Variants in IRF8 observed in about 807,000 individuals in gnomAD.
IRF8 encodes the protein interferon consensus sequence binding protein 1.
IRF8 carries 14 observed loss-of-function variants against 48.7 expected under a neutral mutation model. That is an observed-to-expected ratio of 0.29 (90% confidence interval 0.19 to 0.45). The LOEUF (loss-of-function observed/expected upper bound fraction) is 0.45. IRF8 is among the 20% of genes least tolerant of loss of function. The probability of loss-of-function intolerance (pLI) is 1.00; values close to 1 mark genes in which losing one functional copy is unlikely to be tolerated. For synonymous variants in IRF8, 278 were observed against 227.3 expected, an observed-to-expected ratio of 1.22 and a Z score of -2.01; for missense variants, 493 against 580.7, an observed-to-expected ratio of 0.85 and a Z score of 1.55.
chr16:85,909,286 A>G, intron 3 of IRF8, 113 bp downstream of exon 3: 1 of 832,794 alleles, frequency 1.2e-6, no homozygotes, highest in Non-Finnish European at 2.0e-6. Context: ...AGTTTCAGTT[A>G]AACAAAGCAG....
At chr16:85,902,804 G>A (rs1904866904) in intron 1 of IRF8, 3 of 615,410 alleles carry the variant, frequency 4.9e-6, no homozygotes, top group East Asian at 5.7e-5. Context: ...GGTTTCCCAC[G>A]GAGCTTTCAG....
intron 4 of IRF8, 30 bp from the exon 5 acceptor site, chr16:85,913,101 T>G: frequency 1.3e-6 from 2 of 1,510,066 alleles, no homozygotes; most frequent in East Asian, 4.5e-5. Flanking sequence ...GTGACTGAGC[T>G]GCCCTCCTCT....
intron 4 of IRF8, 32 bp downstream of exon 4, chr16:85,911,690 C>T (rs536683483): frequency 6.3e-7 from 1 of 1,585,820 alleles, no homozygotes; most frequent in Non-Finnish European, 8.7e-7. Context: ...GGGGTCTGGC[C>T]CTGCCAGGAG....
intron 2 of IRF8, 25 bp downstream of exon 2, chr16:85,903,214 A>G: frequency 1.3e-6 from 2 of 1,599,472 alleles, no homozygotes; most frequent in Non-Finnish European, 8.6e-7. Flanking sequence ...TCCCTTCCCC[A>G]CTGTGGGCAC....
At chr16:85,899,643 A>T (rs2152097382) in intron 1 of IRF8, among the ~76,000 whole-genome samples, 1 of 152,292 alleles carries the variant, frequency 6.6e-6, no homozygotes, top group East Asian at 1.9e-4. Flanking sequence ...ACCAGTCGTT[A>T]CTGAGGGTTA....
chr16:85,902,759 T>G, intron 1 of IRF8: 1 of 519,210 alleles, frequency 1.9e-6, no homozygotes, highest in Non-Finnish European at 3.4e-6. Flanking sequence ...GCCAGCACAG[T>G]GGGAGGGGCC....
chr16:85,911,177 C>G (rs538463953), intron 3 of IRF8, among the ~76,000 whole-genome samples: 1 of 152,354 alleles, frequency 6.6e-6, no homozygotes, highest in East Asian at 1.9e-4. Flanking sequence ...CCTGCCAACA[C>G]GTTTTGCCAG....
At chr16:85,911,870 G>T (rs563186492) in intron 4 of IRF8, among the ~76,000 whole-genome samples, 1 of 152,348 alleles carries the variant, frequency 6.6e-6, no homozygotes, top group East Asian at 1.9e-4. Flanking sequence ...AACCCCTCAC[G>T]CCAGATCCCT....
chr16:85,908,985 T>C lies in IRF8; in HGVS notation c.175-5T>C, dbSNP rs1597251883. ...AATTTAATGTGCTTCTGTTTCTTTC[T>C]TCAGGCCTGGGCAGTTTTTAAAGGG... is the stretch of plus-strand genomic sequence containing the variant. On this transcript the variant is annotated splice_polypyrimidine_tract_variant and splice_region_variant and intron_variant, in intron 2 of 8. Transcript: ENST00000268638. The C allele has an allele frequency of 6.2e-7, 1 of 1,613,686 alleles. No homozygotes were observed.
At chr16:85,906,284 C>T (rs1692792599) in intron 2 of IRF8, among the ~76,000 whole-genome samples, 1 of 152,148 alleles carries the variant, frequency 6.6e-6, no homozygotes, top group African/African-American at 2.4e-5. Context: ...TGTGCGTCAA[C>T]AGGAGAAATA....
chr16:85,902,009 C>T (rs1278706115), intron 1 of IRF8, among the ~76,000 whole-genome samples: 1 of 150,668 alleles, frequency 6.6e-6, no homozygotes, highest in African/African-American at 2.4e-5. Context: ...GGCTCTAAGT[C>T]GATAGGTCAT....
rs770743217 is a variant in IRF8 at position 85,909,166 on chromosome 16, G to T, written c.351G>T (p.Glu117Asp). 1 of 1,614,070 alleles carries T rather than the reference G, an allele frequency of 6.2e-7. No homozygotes were observed. The highest frequency in any genetic ancestry group is 1.1e-5 in the South Asian group (1 of 91,076). Residue 117 changes from glutamate to aspartate, a missense_variant, in exon 3 of 9, where the codon GAG becomes GAT. Coordinates refer to ENST00000268638, the MANE Select transcript of IRF8 (RefSeq NM_002163.4). ...YKVYRIVPEE[E>D]QKCKLGVATA... ...TTTACCGAATTGTTCCTGAGGAAGA[G>T]CAAAAATGTAACTATCCTTTATGGG...
intron 3 of IRF8, among the ~76,000 whole-genome samples, chr16:85,910,771 T>C (rs1905119718): frequency 6.6e-6 from 1 of 152,216 alleles, no homozygotes; most frequent in African/African-American, 2.4e-5. Flanking sequence ...TGCTCCCTAC[T>C]TCCCCATCAG....
In IRF8 at chr16:85,921,411, A is replaced by T; in HGVS notation, c.*129A>T. The T allele has an allele frequency of 2.0e-6, 2 of 985,876 alleles. No individual in the cohort carries two copies. Among genetic ancestry groups the T allele is most frequent in the East Asian group, 2.4e-5 (1 of 41,066 alleles). The allele number at this position is 985,876 out of a possible 1,614,324, so 61.1% of individuals were successfully genotyped here. A position where few individuals can be genotyped will look rare whatever the true frequency, so the allele number is the denominator to read the frequency against. ...GGATGCCTTACTTTGCACTTAATTT[A>T]ATAAGGGCATTCTCGGAGGAGTAGA... On this transcript the variant is annotated 3_prime_UTR_variant, in exon 9 of 9. Coordinates refer to ENST00000268638, the MANE Select transcript of IRF8 (RefSeq NM_002163.4).
At chr16:85,913,303 A>G (rs1387502346) in intron 5 of IRF8, 67 bp downstream of exon 5, 2 of 1,138,724 alleles carry the variant, frequency 1.8e-6, no homozygotes, top group Non-Finnish European at 2.7e-6. Flanking sequence ...TCCACCAGCC[A>G]GGGACGGAGT....
chr16:85,916,649 G>T (rs1320398806), intron 6 of IRF8, among the ~76,000 whole-genome samples: 1 of 152,200 alleles, frequency 6.6e-6, no homozygotes, highest in Non-Finnish European at 1.5e-5. Context: ...GAGAGGTGCT[G>T]GTACCAAGAT....
intron 6 of IRF8, among the ~76,000 whole-genome samples, chr16:85,915,024 C>T (rs113430213): frequency 2.1e-4 from 32 of 152,350 alleles, no homozygotes; most frequent in African/African-American, 7.5e-4. Context: ...TTTGGGGCTG[C>T]AGGTGGAGTG....
At chr16:85,909,301 C>G in intron 3 of IRF8, 128 bp downstream of exon 3, 3 of 764,462 alleles carry the variant, frequency 3.9e-6, no homozygotes, top group South Asian at 3.0e-5. Flanking sequence ...AAGCAGTTCT[C>G]TCCTTCGTGT....
intron 2 of IRF8, chr16:85,903,434 T>C (rs1904892474): frequency 3.9e-6 from 2 of 511,196 alleles, no homozygotes; most frequent in Non-Finnish European, 7.1e-6. Context: ...AAGGCTCTTT[T>C]CTTCTCTTTT....
Sources: gnomAD v4.1 joint callset for allele counts (sites outside exome capture counted in the v4.1 genomes callset) on GRCh38, gnomAD v4.1.1 for gene constraint, MANE v1.5 for transcripts, NCBI Gene and HGNC (gene_info 2026-07-23, HGNC 2026-07-21) for gene names.